MYO9B: variants seen among roughly 807,000 people sequenced by gnomAD.
MYO9B encodes the protein myosin IXB.
A neutral mutation model predicts 229.5 loss-of-function variants in MYO9B; 71 were observed. That is an observed-to-expected ratio of 0.31 (90% CI 0.26 to 0.38). The LOEUF (loss-of-function observed/expected upper bound fraction) is 0.38. Ranked by LOEUF, MYO9B falls within the 10% of genes least tolerant of loss-of-function variation. MYO9B has a pLI of 1.00. For synonymous variants in MYO9B, 1,185 were observed against 1,235.8 expected, an observed-to-expected ratio of 0.96 and a Z score of 0.86; for missense variants, 2,255 against 2,920.5, an observed-to-expected ratio of 0.77 and a Z score of 5.25.
chr19:17,211,811 G>A (rs757528904), intron 39 of MYO9B, 37 bp downstream of exon 39: 17 of 1,611,802 alleles, frequency 1.1e-5, no homozygotes, highest in Middle Eastern at 1.6e-4. Context: ...TCTCCTTCCC[G>A]TCCATCCCAG....
intron 2 of MYO9B, among the ~76,000 whole-genome samples, chr19:17,120,462 G>A (rs998696779): frequency 6.6e-6 from 1 of 151,760 alleles, no homozygotes; most frequent in Non-Finnish European, 1.5e-5. Context: ...GGGCAACATA[G>A]TGAGACCCCA....
At chr19:17,132,644 T>G (rs1382570922) in intron 2 of MYO9B, among the ~76,000 whole-genome samples, 1 of 146,136 alleles carries the variant, frequency 6.8e-6, no homozygotes, top group Non-Finnish European at 1.5e-5. Context: ...TTCTCCTGCC[T>G]CAACCTCCCG....
intron 6 of MYO9B, among the ~76,000 whole-genome samples, chr19:17,156,197 T>C (rs986475571): frequency 3.9e-5 from 6 of 152,122 alleles, no homozygotes; most frequent in Non-Finnish European, 7.4e-5. Context: ...TGGAATGTTC[T>C]ATTTCTTGGT....
chr19:17,186,017 G>GT lies in MYO9B; in HGVS notation c.2577+17dup. The GT allele has an allele frequency of 6.2e-7, 1 of 1,611,592 alleles. No individual in the cohort carries two copies. Among genetic ancestry groups the GT allele is most frequent in the East Asian group, 2.2e-5 (1 of 44,812 alleles). Reference sequence around the variant, plus strand: ...TGCTGAAAAGGTGAGTTTCTCTAAGGTGTTTGGGAGGAGAAGGCCCATGCC... The same window carrying GT: ...TGCTGAAAAGGTGAGTTTCTCTAAGGTTGTTTGGGAGGAGAAGGCCCATGCC... On this transcript the variant is annotated intron_variant, in intron 18 of 39. Transcript: ENST00000682292.
intron 35 of MYO9B, 74 bp from the exon 36 acceptor site, chr19:17,209,507 ACCAGC>A: frequency 6.8e-7 from 1 of 1,463,364 alleles, no homozygotes; most frequent in Non-Finnish European, 9.2e-7. Flanking sequence ...CCCCCCAGGC[ACCAGC>A]TAGCATCTCC....
At chr19:17,154,532 T>A in intron 6 of MYO9B, 117 bp downstream of exon 6, 4 of 704,602 alleles carry the variant, frequency 5.7e-6, no homozygotes, top group Non-Finnish European at 9.3e-6. Context: ...GGCAGTGTCC[T>A]GAACAGTGCC....
At chr19:17,185,430 C>G (rs1464337446) in intron 17 of MYO9B, among the ~76,000 whole-genome samples, 1 of 151,166 alleles carries the variant, frequency 6.6e-6, no homozygotes, top group Non-Finnish European at 1.5e-5. Flanking sequence ...CCTGTAATCT[C>G]AGCTCCTTGG....
chr19:17,170,354 T>C (rs527302269), intron 11 of MYO9B, among the ~76,000 whole-genome samples: 1 of 152,112 alleles, frequency 6.6e-6, no homozygotes, highest in Non-Finnish European at 1.5e-5. Context: ...TATTGTCTTA[T>C]CAGCAGCTCT....
chr19:17,189,050 A>G lies in MYO9B; in HGVS notation c.2688+1005A>G, dbSNP rs2072951657. On this transcript the variant is annotated intron_variant, in intron 19 of 39. Transcript: ENST00000682292. ...GTGGGGCACACCTGTAACCTCAGCT[A>G]CTTGGGAGGCTGAGGCAGGAGAATT... Among the ~76,000 whole-genome samples, 3 of 151,786 alleles carry G rather than the reference A, an allele frequency of 2.0e-5. No individual in the cohort carries two copies. The South Asian group carries it at 6.2e-4, about 31-fold the overall frequency.
At chr19:17,183,808 C>T (rs1238907682) in intron 15 of MYO9B, 21 bp from the exon 16 acceptor site, 1 of 1,552,706 alleles carries the variant, frequency 6.4e-7, no homozygotes, top group Non-Finnish European at 8.7e-7. Context: ...GTTCACAAAA[C>T]CATTTTTAAT....
intron 2 of MYO9B, among the ~76,000 whole-genome samples, chr19:17,126,177 C>T (rs1444083240): frequency 6.6e-6 from 1 of 152,230 alleles, no homozygotes; most frequent in African/African-American, 2.4e-5. Context: ...ATTTCCTCGC[C>T]TCCAGCCCTG....
chr19:17,112,968 C>T (rs2057863185), intron 2 of MYO9B, among the ~76,000 whole-genome samples: 1 of 152,212 alleles, frequency 6.6e-6, no homozygotes, highest in Non-Finnish European at 1.5e-5. Flanking sequence ...AGGCCACAGA[C>T]CGGAGGAGGC....
At chr19:17,135,901 T>C (rs1321006461) in intron 2 of MYO9B, among the ~76,000 whole-genome samples, 1 of 152,066 alleles carries the variant, frequency 6.6e-6, no homozygotes, top group Non-Finnish European at 1.5e-5. Flanking sequence ...CAAATGTACA[T>C]TTCTGGGGCA....
chr19:17,163,403 G>T (rs1293353667), intron 10 of MYO9B, among the ~76,000 whole-genome samples: 1 of 141,478 alleles, frequency 7.1e-6, no homozygotes, highest in African/African-American at 2.8e-5. Context: ...TTGAGACAGG[G>T]TCTTGCTCTG....
intron 2 of MYO9B, among the ~76,000 whole-genome samples, chr19:17,104,531 G>A (rs556170505): frequency 5.7e-4 from 87 of 152,286 alleles, no homozygotes; most frequent in African/African-American, 1.9e-3. Context: ...TGAGGGCCAG[G>A]GGCAGCGTGT....
At chr19:17,142,496 A>G (rs2072354068) in intron 2 of MYO9B, among the ~76,000 whole-genome samples, 1 of 151,982 alleles carries the variant, frequency 6.6e-6, no homozygotes. Context: ...CTGTGAACCC[A>G]CTTATCTTCC....
intron 10 of MYO9B, among the ~76,000 whole-genome samples, chr19:17,165,749 T>G (rs114326080): frequency 6.6e-6 from 1 of 152,128 alleles, no homozygotes; most frequent in Non-Finnish European, 1.5e-5. Flanking sequence ...CACTCCAATG[T>G]AGGCAACAGT....
intron 2 of MYO9B, among the ~76,000 whole-genome samples, chr19:17,105,027 A>G (rs142588603): frequency 6.6e-6 from 1 of 152,208 alleles, no homozygotes; most frequent in East Asian, 1.9e-4. Flanking sequence ...TCACTGCCCT[A>G]AAATTCCTCC....
At chr19:17,197,690 C>A in intron 22 of MYO9B, 102 bp from the exon 23 acceptor site, 1 of 1,348,970 alleles carries the variant, frequency 7.4e-7, no homozygotes, top group Non-Finnish European at 1.1e-6. Context: ...TGTCCCCTGG[C>A]AGGGGCAGAA....
Sources: allele counts gnomAD v4.1 joint callset (sites outside exome capture counted in the v4.1 genomes callset), GRCh38; gene constraint gnomAD v4.1.1; transcripts MANE v1.5; gene names NCBI Gene and HGNC (gene_info 2026-07-23, HGNC 2026-07-21).